Variants in ANKRD50 observed in about 807,000 individuals in gnomAD.
ANKRD50 encodes the protein ankyrin repeat domain 50.
In ANKRD50, 40 loss-of-function variants were observed where a neutral mutation model predicts 112.0. The ratio of observed to expected loss-of-function variants is 0.36; its 90% confidence interval spans 0.28 to 0.46. The LOEUF (loss-of-function observed/expected upper bound fraction) is 0.46. Ranked by LOEUF, ANKRD50 falls within the 20% of genes least tolerant of loss-of-function variation. The probability of loss-of-function intolerance (pLI) is 1.00; values close to 1 mark genes in which losing one functional copy is unlikely to be tolerated. For synonymous variants in ANKRD50, 613 were observed against 619.1 expected, an observed-to-expected ratio of 0.99 and a Z score of 0.15; for missense variants, 1,487 against 1,701.7, an observed-to-expected ratio of 0.87 and a Z score of 2.22.
In ANKRD50 at chr4:124,710,697, G is replaced by T. The variant is rs114002268; in HGVS notation, c.-186C>A. 241 of 690,982 alleles carry T rather than the reference G, an allele frequency of 3.5e-4. No homozygotes were observed. In the African/African-American group the frequency reaches 4.1e-3, roughly 12 times the overall value. The allele number at this position is 690,982 out of a possible 1,614,324, so 42.8% of individuals were successfully genotyped here. A position where few individuals can be genotyped will look rare whatever the true frequency, so the allele number is the denominator to read the frequency against. ...TGACTTTATTTGGTTCCTTATTCTT[G>T]ATCAGCAGTCTATGTATTAGTTGTT... On this transcript the variant is annotated 5_prime_UTR_variant, in exon 2 of 5. Coordinates refer to ENST00000504087, the MANE Select transcript of ANKRD50 (RefSeq NM_020337.3).
chr4:124,672,282 C>T lies in ANKRD50; in HGVS notation c.995G>A (p.Gly332Asp). 1 of 1,613,670 alleles carries T rather than the reference C, an allele frequency of 6.2e-7. No homozygotes were observed. Among genetic ancestry groups the T allele is most frequent in the Non-Finnish European group, 8.5e-7 (1 of 1,179,806 alleles). Reference protein sequence around the residue: ...EIRDIPGTLNGLYLWLCQRLF... With the variant: ...EIRDIPGTLNDLYLWLCQRLF... Reference sequence around the variant, plus strand: ...TCTTTGGCACAGCCAGAGATATAAACCATTTAGAGTTCCTGGGATGTCACG... The same window carrying T: ...TCTTTGGCACAGCCAGAGATATAAATCATTTAGAGTTCCTGGGATGTCACG... Residue 332 changes from glycine (G) to aspartate (D), a missense_variant, in exon 4 of 5, where the codon GGT (glycine) becomes GAT (aspartate). Transcript: ENST00000504087.
Position 124,669,992 on chromosome 4 carries a change from T to A in ANKRD50, c.3285A>T (p.Lys1095Asn). The A allele has an allele frequency of 6.2e-7, 1 of 1,608,880 alleles. No individual in the cohort carries two copies. The highest frequency in any genetic ancestry group is 1.3e-5 in the African/African-American group (1 of 74,532). ...AAKNGHSQII[K>N]LLEKYGASSL... Reference sequence around the variant, plus strand: ...TAGATGCACCATATTTTTCTAATAATTTAATTATCTGAGAATGTCCATTTT... The same window carrying A: ...TAGATGCACCATATTTTTCTAATAAATTAATTATCTGAGAATGTCCATTTT... The change falls in exon 4 of 5, where the codon AAA (lysine) becomes AAT (asparagine). Residue 1095 changes from lysine (K) to asparagine (N), a missense_variant. Coordinates refer to ENST00000504087, the MANE Select transcript of ANKRD50 (RefSeq NM_020337.3).
At chr4:124,709,061 C>CCACACACA (rs112440315) in intron 2 of ANKRD50, among the ~76,000 whole-genome samples, 1 of 133,568 alleles carries the variant, frequency 7.5e-6, no homozygotes, top group Non-Finnish European at 1.6e-5. Context: ...CAGAAGAGAG[C>CCACACACA]CACACACACA....
intron 2 of ANKRD50, among the ~76,000 whole-genome samples, chr4:124,693,646 T>C (rs1476156438): frequency 1.3e-5 from 2 of 152,174 alleles, no homozygotes; most frequent in Non-Finnish European, 2.9e-5. Context: ...CAATTGTCCG[T>C]ATCTGTATAT....
intron 2 of ANKRD50, among the ~76,000 whole-genome samples, chr4:124,686,765 G>T (rs1260007528): frequency 2.0e-5 from 3 of 152,122 alleles, no homozygotes; most frequent in Non-Finnish European, 4.4e-5. Flanking sequence ...TGAAGGTAGA[G>T]AAGATATTGA....
rs373595841 is a variant in ANKRD50 at position 124,670,696 on chromosome 4, A to T, written c.2581T>A (p.Leu861Met). 2 of 1,613,088 alleles carry T rather than the reference A, an allele frequency of 1.2e-6. No homozygotes were observed. The highest frequency in any genetic ancestry group is 2.7e-5 in the African/African-American group (2 of 74,824). Residue 861 changes from leucine (L) to methionine (M), a missense_variant, in exon 4 of 5, where the codon TTG (leucine) becomes ATG (methionine). Leu to Met is a conservative substitution (Grantham distance 15). Transcript: ENST00000504087. ...LHMAAFEGHR[L>M]ICEALIEQGA... Reference sequence around the variant, plus strand: ...TGTTCAATAAGTGCTTCACATATCAATCTGTGCCCTTCAAAAGCTGCCATG... The same window carrying T: ...TGTTCAATAAGTGCTTCACATATCATTCTGTGCCCTTCAAAAGCTGCCATG...
Position 124,670,263 on chromosome 4 carries a change from A to G in ANKRD50, c.3014T>C (p.Val1005Ala). The change falls in exon 4 of 5, where the codon GTC becomes GCC. Residue 1005 changes from valine (V) to alanine (A), a missense_variant. Around this residue, in one of 2 missense-constraint regions of ANKRD50, gnomAD observed 1,046 missense variants for 1,269.5 expected, o/e 0.82. Coordinates refer to ENST00000504087, the MANE Select transcript of ANKRD50 (RefSeq NM_020337.3). ...GCGCTTTTCATTGTCTGCAGCATTG[A>G]CGTCAGCATGGTATGCTATCAGGAC... ...VQVLIAYHAD[V>A]NAADNEKRSA... The G allele has an allele frequency of 6.2e-7, 1 of 1,613,896 alleles. No individual in the cohort carries two copies.
chr4:124,710,548 A>G lies in ANKRD50; in HGVS notation c.-37T>C. On this transcript the variant is annotated 5_prime_UTR_variant, in exon 2 of 5. Coordinates refer to ENST00000504087, the MANE Select transcript of ANKRD50 (RefSeq NM_020337.3). ...TATCTTCATTTGCTAGAGTCTGGAT[A>G]CATCAACACAGGTCTTTCCATCCAT... is the stretch of plus-strand genomic sequence containing the variant. 1.3e-6 allele frequency: 2 copies of G among 1,565,804 alleles called. No individual in the cohort carries two copies. Among genetic ancestry groups the G allele is most frequent in the South Asian group, 1.2e-5 (1 of 85,882 alleles).
intron 2 of ANKRD50, among the ~76,000 whole-genome samples, chr4:124,698,803 T>C (rs528939590): frequency 1.3e-5 from 2 of 152,260 alleles, no homozygotes; most frequent in African/African-American, 2.4e-5. Context: ...TTTGTGGGAA[T>C]TGGCCTGTTT....
Position 124,670,786 on chromosome 4 carries a change from G to C in ANKRD50, c.2491C>G (p.Arg831Gly). Residue 831 changes from arginine to glycine, a missense_variant, in exon 4 of 5, where the codon CGT becomes GGT. Transcript: ENST00000504087. ...TCTAACCCTCTATCCAGTAGAGTAC[G>C]TACCACCTCAACATTTCCTTGTGCT... The part of the protein sequence containing the change: ...ASAQGNVEVV[R>G]TLLDRGLDEN... The C allele has an allele frequency of 6.2e-7, 1 of 1,613,804 alleles. No individual in the cohort carries two copies. Among genetic ancestry groups the C allele is most frequent in the Non-Finnish European group, 8.5e-7 (1 of 1,179,868 alleles).
intron 2 of ANKRD50, among the ~76,000 whole-genome samples, chr4:124,683,120 G>A (rs1724930727): frequency 6.6e-6 from 1 of 151,428 alleles, no homozygotes. Flanking sequence ...TAATGTGTGT[G>A]TACATATTTA....
chr4:124,710,334 T>G lies in ANKRD50; in HGVS notation c.178A>C (p.Asn60His), dbSNP rs576405252. The change falls in exon 2 of 5, where the codon AAT becomes CAT. Residue 60 changes from asparagine (N) to histidine (H), a missense_variant. By Grantham distance (68) the Asn-to-His change is moderately conservative (BLOSUM62 1). Transcript: ENST00000504087. ...APSLVMNSGN[N>H]ASGVSGKGAA... is the part of the protein sequence containing the mutation. ...CCCTTTCCAGAGACACCACTAGCAT[T>G]ATTCCCAGAATTCATTACAAGTGAT... The G allele has an allele frequency of 2.5e-6, 4 of 1,614,174 alleles. No homozygotes were observed. Among genetic ancestry groups the G allele is most frequent in the Non-Finnish European group, 3.4e-6 (4 of 1,180,032 alleles).
rs1293851979 is a variant in ANKRD50, at chr4:124,666,238, A to C, written c.*1280T>G. ...AGGCTGTGGGACACATGCTCATTTG[A>C]ACCAATTTTACCTTCCTTGTCATGA... On this transcript the variant is annotated 3_prime_UTR_variant, in exon 5 of 5. Transcript: ENST00000504087. The C allele has an allele frequency of 6.6e-6, 1 of 152,432 alleles. No homozygotes were observed. The highest frequency in any genetic ancestry group is 1.5e-5 in the Non-Finnish European group (1 of 67,924). The allele number at this position is 152,432 out of a possible 1,614,324, so 9.4% of individuals were successfully genotyped here.
In ANKRD50 at chr4:124,669,864, G is replaced by C; in HGVS notation, c.3413C>G (p.Ser1138Cys). 3 of 1,613,060 alleles carry C rather than the reference G, an allele frequency of 1.9e-6. No individual in the cohort carries two copies. The highest frequency in any genetic ancestry group is 2.2e-5 in the South Asian group (2 of 90,786). Residue 1138 changes from serine to cysteine, a missense_variant, in exon 4 of 5, where the codon TCT (serine) becomes TGT (cysteine). This residue lies in a region of ANKRD50 where 441 missense variants were observed against 432.2 expected (regional missense o/e 1.02). Coordinates refer to ENST00000504087, the MANE Select transcript of ANKRD50 (RefSeq NM_020337.3). ...CATATCCCCTCCACCAGTACTACCA[G>C]AGCTATTTGATTTAATTGTTAATGA... is the stretch of plus-strand genomic sequence containing the variant. Reference protein sequence around the residue: ...VQSLTIKSNSSGSTGGGDMQP... With the variant: ...VQSLTIKSNSCGSTGGGDMQP...
chr4:124,668,857 G>T, intron 4 of ANKRD50, 127 bp downstream of exon 4: 3 of 812,778 alleles, frequency 3.7e-6, no homozygotes, highest in African/African-American at 1.7e-5. Context: ...GATGAGGCAG[G>T]TCTGGCCCAG....
chr4:124,703,961 G>A (rs1725450681), intron 2 of ANKRD50, among the ~76,000 whole-genome samples: 2 of 152,154 alleles, frequency 1.3e-5, no homozygotes, highest in Admixed American at 1.3e-4. Context: ...ACCAAAGGAA[G>A]CAGCACTTAG....
At chr4:124,696,493 A>G (rs1230284308) in intron 2 of ANKRD50, among the ~76,000 whole-genome samples, 3 of 152,156 alleles carry the variant, frequency 2.0e-5, no homozygotes, top group South Asian at 2.1e-4. Context: ...AAGCTTATGA[A>G]AAGCATCAAT....
chr4:124,700,278 A>T (rs2110525280), intron 2 of ANKRD50, among the ~76,000 whole-genome samples: 1 of 152,388 alleles, frequency 6.6e-6, no homozygotes, highest in South Asian at 2.1e-4. Flanking sequence ...GTAGTACAGG[A>T]TAAGGTCAAA....
chr4:124,676,121 T>C (rs1435806891), intron 3 of ANKRD50, among the ~76,000 whole-genome samples: 7 of 151,828 alleles, frequency 4.6e-5, no homozygotes, highest in African/African-American at 1.7e-4. Context: ...GAAAGATATG[T>C]GTAGGACATA....
Sources: allele counts gnomAD v4.1 joint callset (sites outside exome capture counted in the v4.1 genomes callset), GRCh38; gene constraint gnomAD v4.1.1; regional missense constraint gnomAD v4.1.1; transcripts MANE v1.5; gene names NCBI Gene and HGNC (gene_info 2026-07-23, HGNC 2026-07-21).